Variants in LMBRD2 observed in about 807,000 individuals in gnomAD.
The protein encoded by LMBRD2 is G protein-coupled receptor-associated protein LMBRD2.
Under a neutral mutation model 94.4 loss-of-function variants are expected in LMBRD2, and 55 were observed. That is an observed-to-expected ratio of 0.58 (90% CI 0.47 to 0.73). The LOEUF (loss-of-function observed/expected upper bound fraction) is 0.73. Ranked by LOEUF, LMBRD2 falls within the 30% of genes least tolerant of loss-of-function variation. The pLI, the probability that LMBRD2 is intolerant of heterozygous loss-of-function variation, is 0.00. For synonymous variants in LMBRD2, 246 were observed against 272.4 expected, an observed-to-expected ratio of 0.90 and a Z score of 0.95; for missense variants, 640 against 831.9, an observed-to-expected ratio of 0.77 and a Z score of 2.84.
At chr5:36,134,666 C>T (rs1744227287) in intron 6 of LMBRD2, among the ~76,000 whole-genome samples, 1 of 152,056 alleles carries the variant, frequency 6.6e-6, no homozygotes, top group Non-Finnish European at 1.5e-5. Flanking sequence ...AGAAGACAAA[C>T]ATGGAACAGA....
chr5:36,147,184 C>T (rs959191120), intron 1 of LMBRD2, among the ~76,000 whole-genome samples: 6 of 152,102 alleles, frequency 3.9e-5, no homozygotes, highest in African/African-American at 1.4e-4. Flanking sequence ...TGAGGCCGAA[C>T]TATATTGCCT....
Position 36,105,149 on chromosome 5 carries a change from AT to A in LMBRD2, c.1945del (p.Ile649Ter). 1.2e-6 allele frequency: 2 copies of A among 1,612,820 alleles called. No homozygotes were observed. Among genetic ancestry groups the A allele is most frequent in the Non-Finnish European group, 1.7e-6 (2 of 1,179,080 alleles). On this transcript the variant is annotated frameshift_variant, in exon 17 of 18. Coordinates refer to ENST00000296603, the MANE Select transcript of LMBRD2 (RefSeq NM_001007527.2). LOFTEE classifies it high-confidence loss of function. ...RANNRTERDR[I>X]ELLQDAEPLD... ...AGGTTCTGCATCTTGGAGAAGTTCT[AT>A]CCGGTCCCTTTCAGTCCTGTTATTA...
At chr5:36,142,927 G>A (rs1403681645) in intron 2 of LMBRD2, among the ~76,000 whole-genome samples, 13 of 151,662 alleles carry the variant, frequency 8.6e-5, no homozygotes, top group Non-Finnish European at 4.4e-5. Context: ...GTGTTTCACC[G>A]TGTTAGCCAG....
chr5:36,141,045 T>C (rs1455441268), intron 4 of LMBRD2, 62 bp downstream of exon 4: 4 of 867,304 alleles, frequency 4.6e-6, no homozygotes, highest in South Asian at 1.5e-5. Flanking sequence ...ACTATATTGA[T>C]TGAAAAACAT....
rs1381376490 is a variant in LMBRD2, at chr5:36,104,088, T to C, written c.2046A>G (p.Arg682=). 1 of 1,610,694 alleles carries C rather than the reference T, an allele frequency of 6.2e-7. No individual in the cohort carries two copies. The highest frequency in any genetic ancestry group is 2.2e-5 in the East Asian group (1 of 44,704). ...TGTCACTGCGAGACATCGAGAGATA[T>C]CGTCCACCAGGCTGATACCTAAAAA... is the stretch of plus-strand genomic sequence containing the variant. ...SESGRYQPGG[R]YLSMSRSDIF... is the part of the protein sequence containing the mutation. Residue 682 remains arginine (R), a synonymous_variant, in exon 18 of 18, where the codon CGA becomes CGG. Coordinates refer to ENST00000296603, the MANE Select transcript of LMBRD2 (RefSeq NM_001007527.2).
chr5:36,114,980 G>T, intron 12 of LMBRD2, 35 bp downstream of exon 12: 1 of 1,335,154 alleles, frequency 7.5e-7, no homozygotes, highest in Non-Finnish European at 1.1e-6. Flanking sequence ...TATAGATAGT[G>T]AACCTAAGGA....
At chr5:36,124,289 A>T in intron 6 of LMBRD2, 24 bp from the exon 7 acceptor site, 1 of 1,347,880 alleles carries the variant, frequency 7.4e-7, no homozygotes, top group Non-Finnish European at 1.1e-6. Flanking sequence ...AAAATAAATA[A>T]AAATATTTCC....
Position 36,142,617 on chromosome 5 carries a change from T to A in LMBRD2, c.175-18A>T, listed in dbSNP as rs772775792. ...TATATTGTCTAAAGCAACGAATGTATGGTTTAAAAATGAGAATCAAAAGGT... is the reference window on the plus strand; with the variant it reads ...TATATTGTCTAAAGCAACGAATGTAAGGTTTAAAAATGAGAATCAAAAGGT... On this transcript the variant is annotated intron_variant, in intron 2 of 17. Transcript: ENST00000296603. 2.1e-6 allele frequency: 3 copies of A among 1,459,696 alleles called. No individual in the cohort carries two copies. In the South Asian group the frequency reaches 3.4e-5, roughly 17 times the overall value. The allele number at this position is 1,459,696 out of a possible 1,614,324, so 90.4% of individuals were successfully genotyped here.
intron 10 of LMBRD2, 66 bp downstream of exon 10, chr5:36,117,669 G>C: frequency 8.9e-7 from 1 of 1,127,242 alleles, no homozygotes; most frequent in Non-Finnish European, 1.2e-6. Context: ...GAAATACATG[G>C]AGAAAATAGT....
At chr5:36,143,553 A>G (rs1302586537) in intron 1 of LMBRD2, 147 bp from the exon 2 acceptor site, 1 of 395,772 alleles carries the variant, frequency 2.5e-6, no homozygotes, top group Non-Finnish European at 4.5e-6. Context: ...AATAAGATTA[A>G]AAGGGTAATT....
intron 16 of LMBRD2, among the ~76,000 whole-genome samples, chr5:36,108,163 A>G (rs750787563): frequency 6.6e-6 from 1 of 152,164 alleles, no homozygotes; most frequent in Admixed American, 6.6e-5. Context: ...TATATGGGTC[A>G]GTCAATAAAT....
At position 36,105,149 on chromosome 5, in the gene LMBRD2, A is replaced by G. The variant is rs570391000; in HGVS notation, c.1946T>C (p.Ile649Thr). ...RANNRTERDRIELLQDAEPLD... is the reference protein window; with the variant it reads ...RANNRTERDRTELLQDAEPLD... Reference sequence around the variant, plus strand: ...AGGTTCTGCATCTTGGAGAAGTTCTATCCGGTCCCTTTCAGTCCTGTTATT... The same window carrying G: ...AGGTTCTGCATCTTGGAGAAGTTCTGTCCGGTCCCTTTCAGTCCTGTTATT... Residue 649 changes from isoleucine to threonine, a missense_variant, in exon 17 of 18, where the codon ATA (isoleucine) becomes ACA (threonine). By Grantham distance (89) the Ile-to-Thr change is moderately conservative. Around this residue, in one of 2 missense-constraint regions of LMBRD2, gnomAD observed 183 missense variants for 189.1 expected, o/e 0.97. Coordinates refer to ENST00000296603, the MANE Select transcript of LMBRD2 (RefSeq NM_001007527.2). 6.2e-6 allele frequency: 10 copies of G among 1,612,820 alleles called. No individual in the cohort carries two copies. The highest frequency in any genetic ancestry group is 1.3e-5 in the African/African-American group (1 of 74,976).
chr5:36,099,240 A>G lies in LMBRD2; in HGVS notation c.*4806T>C, dbSNP rs1030659915. 1 of 152,154 alleles carries G rather than the reference A, an allele frequency of 6.6e-6. No individual in the cohort carries two copies. Among genetic ancestry groups the G allele is most frequent in the African/African-American group, 2.4e-5 (1 of 41,456 alleles). The allele number at this position is 152,154 out of a possible 1,614,324, so 9.4% of individuals were successfully genotyped here. Reference sequence around the variant, plus strand: ...AAAACTATTTAAAAGCAATACTACAATTAGTTACTTACAAAAACATTTATA... The same window carrying G: ...AAAACTATTTAAAAGCAATACTACAGTTAGTTACTTACAAAAACATTTATA... On this transcript the variant is annotated 3_prime_UTR_variant, in exon 18 of 18. Transcript: ENST00000296603.
intron 15 of LMBRD2, 64 bp downstream of exon 15, chr5:36,109,881 A>G: frequency 8.4e-7 from 1 of 1,194,374 alleles, no homozygotes; most frequent in Non-Finnish European, 1.2e-6. Flanking sequence ...CCAAATTAGT[A>G]AGATTCTTAA....
At chr5:36,130,760 GAC>G (rs1169913984) in intron 6 of LMBRD2, among the ~76,000 whole-genome samples, 1 of 152,092 alleles carries the variant, frequency 6.6e-6, no homozygotes, top group African/African-American at 2.4e-5. Flanking sequence ...CAAATTCCTA[GAC>G]ACATACAACC....
intron 13 of LMBRD2, among the ~76,000 whole-genome samples, chr5:36,112,231 T>C (rs75069316): frequency 6.6e-6 from 1 of 152,198 alleles, no homozygotes; most frequent in Non-Finnish European, 1.5e-5. Context: ...TGGGGTTTTG[T>C]AGATGATCAT....
intron 1 of LMBRD2, among the ~76,000 whole-genome samples, chr5:36,144,692 A>G (rs1407431209): frequency 2.0e-5 from 3 of 152,200 alleles, no homozygotes; most frequent in African/African-American, 4.8e-5. Flanking sequence ...CTCAAAATAA[A>G]TAAATAAATA....
intron 1 of LMBRD2, among the ~76,000 whole-genome samples, chr5:36,150,559 C>T (rs1293419958): frequency 1.3e-5 from 2 of 152,266 alleles, no homozygotes; most frequent in Middle Eastern, 3.4e-3. Flanking sequence ...AGGGAAAGGA[C>T]GTAGCTTCAA....
Position 36,122,833 on chromosome 5 carries a change from A to G in LMBRD2, c.936+15T>C, listed in dbSNP as rs199572302. The G allele has an allele frequency of 6.3e-7, 1 of 1,587,016 alleles. No homozygotes were observed. The highest frequency in any genetic ancestry group is 8.5e-7 in the Non-Finnish European group (1 of 1,171,380). ...AATCATCATTAAGTAAAATACTTAT[A>G]ATTAACAAAGTTACCTGTTTATGCA... is the stretch of plus-strand genomic sequence containing the variant. On this transcript the variant is annotated intron_variant, in intron 8 of 17. Transcript: ENST00000296603.
Sources: allele counts gnomAD v4.1 joint callset (sites outside exome capture counted in the v4.1 genomes callset), GRCh38; gene constraint gnomAD v4.1.1; regional missense constraint gnomAD v4.1.1; transcripts MANE v1.5; gene names NCBI Gene and HGNC (gene_info 2026-07-23, HGNC 2026-07-21).